The following KERA variants were observed in gnomAD, a reference collection of about 807,000 sequenced individuals.
The protein encoded by KERA is keratocan.
A neutral mutation model predicts 26.4 loss-of-function variants in KERA; 25 were observed. The observed-to-expected ratio is 0.95, with a 90% CI of 0.69 to 1.32. KERA has a LOEUF of 1.32. Ranked by LOEUF, KERA falls within the 40% of genes most tolerant of loss-of-function variation. The pLI, the probability that KERA is intolerant of heterozygous loss-of-function variation, is 0.00. For synonymous variants in KERA, 167 were observed against 146.1 expected, an observed-to-expected ratio of 1.14 and a Z score of -1.03; for missense variants, 434 against 408.9, an observed-to-expected ratio of 1.06 and a Z score of -0.53.
chr12:91,051,110 A>G lies in KERA; in HGVS notation c.*236T>C. The G allele has an allele frequency of 2.1e-6, 1 of 478,806 alleles. No homozygotes were observed. Among genetic ancestry groups the G allele is most frequent in the East Asian group, 3.8e-5 (1 of 26,306 alleles). The allele number at this position is 478,806 out of a possible 1,614,324, so 29.7% of individuals were successfully genotyped here. On this transcript the variant is annotated 3_prime_UTR_variant, in exon 3 of 3. Coordinates refer to ENST00000266719, the MANE Select transcript of KERA (RefSeq NM_007035.4). ...CCAAAATAAAACTATCTTTGAGTTGATAAACTATCTTAACTCTGTGTCTGT... is the reference window on the plus strand; with the variant it reads ...CCAAAATAAAACTATCTTTGAGTTGGTAAACTATCTTAACTCTGTGTCTGT...
intron 2 of KERA, 35 bp from the exon 3 acceptor site, chr12:91,051,553 A>G (rs1231912128): frequency 6.6e-7 from 1 of 1,512,470 alleles, no homozygotes; most frequent in Non-Finnish European, 9.2e-7. Context: ...AATGAATTGG[A>G]ACACAAGAGA....
rs1228907538 is a variant in KERA, at chr12:91,051,225, A to G, written c.*121T>C. ...TTGAATAGAAAAAATACACTGCACAAATGAAAATGGTGGCCGAGAGCAATG... is the reference window on the plus strand; with the variant it reads ...TTGAATAGAAAAAATACACTGCACAGATGAAAATGGTGGCCGAGAGCAATG... On this transcript the variant is annotated 3_prime_UTR_variant, in exon 3 of 3. Transcript: ENST00000266719. The G allele has an allele frequency of 4.9e-6, 4 of 814,294 alleles. No homozygotes were observed. In the African/African-American group the frequency reaches 6.8e-5, roughly 14 times the overall value. The allele number at this position is 814,294 out of a possible 1,614,324, so 50.4% of individuals were successfully genotyped here. A position where few individuals can be genotyped will look rare whatever the true frequency, so the allele number is the denominator to read the frequency against.
intron 2 of KERA, 53 bp downstream of exon 2, chr12:91,055,343 C>A: frequency 6.8e-7 from 1 of 1,461,264 alleles, no homozygotes; most frequent in Non-Finnish European, 9.6e-7. Flanking sequence ...AATAAAGATA[C>A]ATTTAATGAC....
chr12:91,051,644 A>T (rs781358741), intron 2 of KERA, 126 bp from the exon 3 acceptor site: 2 of 709,694 alleles, frequency 2.8e-6, no homozygotes, highest in Non-Finnish European at 2.5e-6. Flanking sequence ...AATAGTGGTT[A>T]TACAAAACAT....
Position 91,055,979 on chromosome 12 carries a change from A to G in KERA, c.303T>C (p.Asn101=). The G allele has an allele frequency of 6.2e-7, 1 of 1,610,916 alleles. No individual in the cohort carries two copies. The change falls in exon 2 of 3, where the codon AAT becomes AAC. Residue 101 remains asparagine (N), a synonymous_variant. Coordinates refer to ENST00000266719, the MANE Select transcript of KERA (RefSeq NM_007035.4). ...FENATQLRWI[N]LNKNKITNYG... is the part of the protein sequence containing the mutation. Reference sequence around the variant, plus strand: ...AGTTGGTTATTTTGTTCTTGTTTAGATTTATCCATCTTAGCTGGGTGGCAT... The same window carrying G: ...AGTTGGTTATTTTGTTCTTGTTTAGGTTTATCCATCTTAGCTGGGTGGCAT...
rs1286677627 is a variant in KERA, at chr12:91,057,969, T to A, written c.-234A>T. ...TTCAGAAGACTGCTTACCTCAGCCT[T>A]CTTGGATCTTCTTCTTCCTTTTCTA... On this transcript the variant is annotated 5_prime_UTR_variant, in exon 1 of 3. Coordinates refer to ENST00000266719, the MANE Select transcript of KERA (RefSeq NM_007035.4). The A allele has an allele frequency of 6.6e-6, 1 of 151,184 alleles. No individual in the cohort carries two copies. Among genetic ancestry groups the A allele is most frequent in the East Asian group, 1.9e-4 (1 of 5,138 alleles). 9.4% of individuals were successfully genotyped at this position (151,184 alleles called of 1,614,324 possible). A position where few individuals can be genotyped will look rare whatever the true frequency, so the allele number is the denominator to read the frequency against.
chr12:91,053,681 G>C (rs146852497), intron 2 of KERA, among the ~76,000 whole-genome samples: 1 of 151,342 alleles, frequency 6.6e-6, no homozygotes, highest in Non-Finnish European at 1.5e-5. Flanking sequence ...GAGAACGATA[G>C]AAAATTAGAA....
intron 2 of KERA, among the ~76,000 whole-genome samples, chr12:91,055,085 A>G (rs891612369): frequency 1.3e-5 from 2 of 151,106 alleles, no homozygotes; most frequent in Non-Finnish European, 3.0e-5. Flanking sequence ...AGCCTACCCA[A>G]TGGGGCAGAA....
chr12:91,057,006 T>G (rs116352159), intron 1 of KERA, among the ~76,000 whole-genome samples: 1,809 of 150,356 alleles, frequency 0.012, 33 homozygotes, highest in African/African-American at 0.041. Context: ...TCAGAGAATA[T>G]GTATATTCTG....
At chr12:91,053,055 C>T (rs1335056341) in intron 2 of KERA, among the ~76,000 whole-genome samples, 1 of 151,354 alleles carries the variant, frequency 6.6e-6, no homozygotes, top group Non-Finnish European at 1.5e-5. Context: ...AGTTCACTGT[C>T]TCATAAATTT....
intron 1 of KERA, among the ~76,000 whole-genome samples, chr12:91,057,372 ATT>A (rs1375407057): frequency 3.4e-4 from 5 of 14,710 alleles, no homozygotes; most frequent in Middle Eastern, 0.02. Flanking sequence ...TTACATATAT[ATT>A]TATATATATA....
At chr12:91,056,640 A>C (rs1344054535) in intron 1 of KERA, among the ~76,000 whole-genome samples, 1 of 151,256 alleles carries the variant, frequency 6.6e-6, no homozygotes, top group Admixed American at 6.6e-5. Context: ...GAGTACAAAA[A>C]AGTGATCTTT....
chr12:91,053,839 A>G (rs1260523346), intron 2 of KERA, among the ~76,000 whole-genome samples: 1 of 151,416 alleles, frequency 6.6e-6, no homozygotes, highest in African/African-American at 2.4e-5. Context: ...AATGCTCAGG[A>G]TGAAATGCAT....
At chr12:91,055,005 T>G (rs1175588180) in intron 2 of KERA, among the ~76,000 whole-genome samples, 1 of 151,306 alleles carries the variant, frequency 6.6e-6, no homozygotes, top group Non-Finnish European at 1.5e-5. Context: ...GCCTTCCTAA[T>G]GCCTCTTAAA....
Position 91,051,392 on chromosome 12 carries a change from A to G in KERA, c.1013T>C (p.Met338Thr). 1 of 1,611,376 alleles carries G rather than the reference A, an allele frequency of 6.2e-7. No homozygotes were observed. The highest frequency in any genetic ancestry group is 2.2e-5 in the East Asian group (1 of 44,802). Residue 338 changes from methionine (M) to threonine (T), a missense_variant, in exon 3 of 3, where the codon ATG (methionine) becomes ACG (threonine). Physicochemically the swap from Met to Thr is moderately conservative, Grantham distance 81. Coordinates refer to ENST00000266719, the MANE Select transcript of KERA (RefSeq NM_007035.4). The stretch of plus-strand genomic sequence containing the variant: ...AAGTCTGAAGCAGGTCATTAAAGCC[A>G]TTGGAATTGGTGGTTTGATTTCATT... ...DGNEIKPPIPMALMTCFRLLQ... is the reference protein window; with the variant it reads ...DGNEIKPPIPTALMTCFRLLQ...
intron 2 of KERA, 34 bp downstream of exon 2, chr12:91,055,362 C>T: frequency 1.9e-6 from 3 of 1,580,888 alleles, no homozygotes; most frequent in South Asian, 1.1e-5. Flanking sequence ...ACCATGAGCC[C>T]TTTAGTCAAA....
At position 91,055,749 on chromosome 12, in the gene KERA, A is replaced by G. The variant is rs1017125971; in HGVS notation, c.533T>C (p.Leu178Ser). ...LTLLDLQNNK[L>S]VDNAFQRDTF... ...GTCTCTTTGAAAGGCATTGTCCACT[A>G]ATTTGTTGTTCTGTAGGTCAAGAAG... The change falls in exon 2 of 3, where the codon TTA (leucine) becomes TCA (serine). Residue 178 changes from leucine (L) to serine (S), a missense_variant. By Grantham distance (145) the Leu-to-Ser change is moderately radical. Coordinates refer to ENST00000266719, the MANE Select transcript of KERA (RefSeq NM_007035.4). 13 of 1,611,172 alleles carry G rather than the reference A, an allele frequency of 8.1e-6. No homozygotes were observed. Among genetic ancestry groups the G allele is most frequent in the African/African-American group, 1.3e-5 (1 of 74,598 alleles).
rs1878962849 is a variant in KERA, at chr12:91,055,267, AAC to A, written c.886+127_886+128del. 4 of 838,850 alleles carry A rather than the reference AAC, an allele frequency of 4.8e-6. No homozygotes were observed. The Admixed American group carries it at 9.4e-5, about 20-fold the overall frequency. 52.0% of individuals were successfully genotyped at this position (838,850 alleles called of 1,614,324 possible). A position where few individuals can be genotyped will look rare whatever the true frequency, so the allele number is the denominator to read the frequency against. ...ACAAAATTTAATACTGAAAATTGAA[AAC>A]ACACTAAAAATCTAAAGGAACATTA... On this transcript the variant is annotated intron_variant, in intron 2 of 2. Coordinates refer to ENST00000266719, the MANE Select transcript of KERA (RefSeq NM_007035.4).
chr12:91,055,314 A>G (rs754726618), intron 2 of KERA, 82 bp downstream of exon 2: 1 of 1,262,754 alleles, frequency 7.9e-7, no homozygotes, highest in Non-Finnish European at 1.1e-6. Flanking sequence ...GGGGCAACAC[A>G]TTTGCTCTTC....
Sources: allele counts gnomAD v4.1 joint callset (sites outside exome capture counted in the v4.1 genomes callset), GRCh38; gene constraint gnomAD v4.1.1; transcripts MANE v1.5; gene names NCBI Gene and HGNC (gene_info 2026-07-23, HGNC 2026-07-21).